Variants in KIAA0319L observed in about 807,000 individuals in gnomAD.
KIAA0319L encodes the protein dyslexia-associated protein KIAA0319-like protein.
Under a neutral mutation model 120.1 loss-of-function variants are expected in KIAA0319L, and 55 were observed. The observed-to-expected ratio is 0.46, with a 90% CI of 0.37 to 0.57. The LOEUF is 0.57. Ranked by LOEUF, KIAA0319L falls within the 20% of genes least tolerant of loss-of-function variation. The pLI, the probability that KIAA0319L is intolerant of heterozygous loss-of-function variation, is 0.00. For synonymous variants in KIAA0319L, 398 were observed against 471.9 expected (o/e 0.84, Z 2.03); for missense variants, 1,049 against 1,255.3 (o/e 0.84, Z 2.48).
intron 2 of KIAA0319L, among the ~76,000 whole-genome samples, chr1:35,538,183 T>G (rs1646654743): frequency 6.6e-6 from 1 of 152,194 alleles, no homozygotes; most frequent in African/African-American, 2.4e-5. Context: ...TGGTTTTATT[T>G]AGCCTGATAT....
At chr1:35,444,930 G>A (rs767995222) in intron 16 of KIAA0319L, among the ~76,000 whole-genome samples, 1 of 152,176 alleles carries the variant, frequency 6.6e-6, no homozygotes, top group Non-Finnish European at 1.5e-5. Flanking sequence ...GTCCAAGATA[G>A]GCCACATGTG....
chr1:35,467,822 G>A (rs552644259), intron 6 of KIAA0319L, among the ~76,000 whole-genome samples: 1 of 152,056 alleles, frequency 6.6e-6, no homozygotes, highest in East Asian at 1.9e-4. Context: ...CCAAGTAGCT[G>A]GGACTACAGG....
At chr1:35,513,982 C>T (rs970089479) in intron 2 of KIAA0319L, among the ~76,000 whole-genome samples, 1 of 152,166 alleles carries the variant, frequency 6.6e-6, no homozygotes, top group Non-Finnish European at 1.5e-5. Context: ...CCATCTAGAG[C>T]TAAAATCCCC....
chr1:35,530,526 G>A (rs982404711), intron 2 of KIAA0319L, among the ~76,000 whole-genome samples: 5 of 152,032 alleles, frequency 3.3e-5, no homozygotes, highest in Non-Finnish European at 5.9e-5. Flanking sequence ...GTGTTCCCAT[G>A]CATATCACTA....
chr1:35,454,281 G>A (rs1642277477), intron 11 of KIAA0319L, 81 bp downstream of exon 11: 14 of 1,505,368 alleles, frequency 9.3e-6, no homozygotes, highest in Non-Finnish European at 1.2e-5. Flanking sequence ...CCCTCATACA[G>A]CTCAGAACCC....
chr1:35,495,640 GT>G (rs1190666199), intron 3 of KIAA0319L, among the ~76,000 whole-genome samples: 16 of 151,684 alleles, frequency 1.1e-4, no homozygotes, highest in Non-Finnish European at 1.6e-4. Context: ...TGTTTGTTTG[GT>G]TTTGTTTGTT....
intron 5 of KIAA0319L, among the ~76,000 whole-genome samples, chr1:35,471,375 G>A (rs1643613425): frequency 6.6e-6 from 1 of 152,166 alleles, no homozygotes; most frequent in Non-Finnish European, 1.5e-5. Flanking sequence ...AAATAACATG[G>A]TTCAAAAATA....
chr1:35,466,710 G>A lies in KIAA0319L; in HGVS notation c.1114-15C>T, dbSNP rs1469904534. The A allele has an allele frequency of 6.4e-7, 1 of 1,552,046 alleles. No homozygotes were observed. Among genetic ancestry groups the A allele is most frequent in the Non-Finnish European group, 8.9e-7 (1 of 1,123,902 alleles). On this transcript the variant is annotated splice_polypyrimidine_tract_variant and intron_variant, in intron 6 of 20. Transcript: ENST00000325722. ...CCTGGAGTGAGCTGCAGAAGTGAGA[G>A]AAGATCTCTTAGACAATCACAAAGA...
At chr1:35,451,923 AT>A in intron 12 of KIAA0319L, 147 bp from the exon 13 acceptor site, 2 of 843,664 alleles carry the variant, frequency 2.4e-6, no homozygotes, top group Non-Finnish European at 3.6e-6. Context: ...AAATATTTCA[AT>A]TGGACAAAGT....
At chr1:35,458,591 A>C (rs1014337811) in intron 9 of KIAA0319L, among the ~76,000 whole-genome samples, 1 of 152,222 alleles carries the variant, frequency 6.6e-6, no homozygotes, top group Non-Finnish European at 1.5e-5. Context: ...TAGACTCTAG[A>C]GTTAGACTGT....
chr1:35,544,422 T>C (rs1646910716), intron 2 of KIAA0319L, among the ~76,000 whole-genome samples: 1 of 149,336 alleles, frequency 6.7e-6, no homozygotes, highest in Admixed American at 6.7e-5. Flanking sequence ...TACAATAGGA[T>C]TCTTTTCTAA....
chr1:35,454,616 G>C (rs931759399), intron 10 of KIAA0319L, 131 bp from the exon 11 acceptor site: 5 of 1,444,606 alleles, frequency 3.5e-6, no homozygotes, highest in Non-Finnish European at 3.7e-6. Context: ...TTACGTACCA[G>C]TTCAGCATGT....
Position 35,442,943 on chromosome 1 carries a change from G to A in KIAA0319L, c.2742C>T (p.Phe914=). Residue 914 remains phenylalanine (F), a synonymous_variant, in exon 18 of 21, where the codon TTC becomes TTT. Coordinates refer to ENST00000325722, the MANE Select transcript of KIAA0319L (RefSeq NM_024874.5). Reference sequence around the variant, plus strand: ...CTCCATCCCTCAGCTGCACCTTGATGAAATTCTCCATCCAAAAAGGGTCAC... The same window carrying A: ...CTCCATCCCTCAGCTGCACCTTGATAAAATTCTCCATCCAAAAAGGGTCAC... ...CICDPFWMEN[F]IKVQLRDGDS... 3.7e-6 allele frequency: 6 copies of A among 1,614,182 alleles called. No homozygotes were observed. Among genetic ancestry groups the A allele is most frequent in the Non-Finnish European group, 4.2e-6 (5 of 1,180,016 alleles).
At chr1:35,537,951 A>G (rs1022481064) in intron 2 of KIAA0319L, among the ~76,000 whole-genome samples, 4 of 152,166 alleles carry the variant, frequency 2.6e-5, no homozygotes, top group African/African-American at 9.7e-5. Context: ...AAAAAGTGAA[A>G]AGAGCTCTGT....
In KIAA0319L at chr1:35,483,478, T is replaced by G. The variant is rs577509745; in HGVS notation, c.667-4266A>C. 5.3e-4 allele frequency among the ~76,000 whole-genome samples: 81 copies of G among 152,318 alleles called. 1 individual carries two copies. The highest frequency in any genetic ancestry group is 1.0e-3 in the Non-Finnish European group (68 of 68,020). On this transcript the variant is annotated intron_variant, in intron 3 of 20. Coordinates refer to ENST00000325722, the MANE Select transcript of KIAA0319L (RefSeq NM_024874.5). ...TCATTATCTAATTGTTCTAGCACCA[T>G]TTGTTGAAAAGATTATCCCTTCCCC...
chr1:35,440,462 G>C (rs550059528), intron 20 of KIAA0319L: 1 of 153,436 alleles, frequency 6.5e-6, no homozygotes, highest in Non-Finnish European at 1.5e-5. Flanking sequence ...ACCCTCGCCA[G>C]GTGACCCAGC....
chr1:35,501,366 G>T (rs539987125), intron 3 of KIAA0319L, among the ~76,000 whole-genome samples: 112 of 152,146 alleles, frequency 7.4e-4, no homozygotes, highest in South Asian at 1.7e-3. Context: ...TATTTTCTTT[G>T]CTGCTGCTTC....
chr1:35,484,806 A>ATATATATATTT (rs1381080295), intron 3 of KIAA0319L, among the ~76,000 whole-genome samples: 4 of 86,262 alleles, frequency 4.6e-5, no homozygotes, highest in African/African-American at 2.4e-4. Flanking sequence ...ATATATATAT[A>ATATATATATTT]TTTTTTTTTT....
chr1:35,505,314 A>C (rs1422915401), intron 3 of KIAA0319L, among the ~76,000 whole-genome samples: 1 of 152,174 alleles, frequency 6.6e-6, no homozygotes, highest in Non-Finnish European at 1.5e-5. Context: ...GAGCCTTTAC[A>C]TACACTGTGG....
Sources: gnomAD v4.1 joint callset for allele counts (sites outside exome capture counted in the v4.1 genomes callset) on GRCh38, gnomAD v4.1.1 for gene constraint, MANE v1.5 for transcripts, NCBI Gene and HGNC (gene_info 2026-07-23, HGNC 2026-07-21) for gene names.